SCTR: variants seen among roughly 807,000 people sequenced by gnomAD.
SCTR encodes secretin receptor, also known as pancreatic secretin receptor.
Under a neutral mutation model 60.8 loss-of-function variants are expected in SCTR, and 56 were observed. That is an observed-to-expected ratio of 0.92 (90% CI 0.74 to 1.15). The LOEUF is 1.15. Ranked by LOEUF, SCTR falls within the 50% of genes most tolerant of loss-of-function variation. The pLI, the probability that SCTR is intolerant of heterozygous loss-of-function variation, is 0.00. For synonymous variants in SCTR, 202 were observed against 217.0 expected (o/e 0.93, Z 0.61); for missense variants, 562 against 550.4 (o/e 1.02, Z -0.21).
At chr2:119,471,707 G>A (rs1478705069) in intron 4 of SCTR, among the ~76,000 whole-genome samples, 1 of 152,206 alleles carries the variant, frequency 6.6e-6, no homozygotes, top group Non-Finnish European at 1.5e-5. Context: ...CTTCTAGGGA[G>A]TTTAGCTAAT....
In SCTR at chr2:119,440,144, C is replaced by G; in HGVS notation, c.1296G>C (p.Gln432His). 6.2e-7 allele frequency: 1 copy of G among 1,614,018 alleles called. No individual in the cohort carries two copies. Among genetic ancestry groups the G allele is most frequent in the Non-Finnish European group, 8.5e-7 (1 of 1,179,984 alleles). The part of the protein sequence containing the change: ...STKASHLEQS[Q>H]GTCRTSII ...AGATGATGCTGGTCCTGCAGGTGCC[C>G]TGGCTCTGCTCCAAGTGGCTGGCCT... The change falls in exon 13 of 13, where the codon CAG becomes CAC. Residue 432 changes from glutamine (Q) to histidine (H), a missense_variant. By Grantham distance (24) the Gln-to-His change is conservative (BLOSUM62 0). Coordinates refer to ENST00000019103, the MANE Select transcript of SCTR (RefSeq NM_002980.3).
At chr2:119,455,632 A>C (rs1011123729) in intron 7 of SCTR, among the ~76,000 whole-genome samples, 1 of 152,230 alleles carries the variant, frequency 6.6e-6, no homozygotes, top group African/African-American at 2.4e-5. Context: ...TAAACACGCA[A>C]TAGACGGGTT....
intron 9 of SCTR, among the ~76,000 whole-genome samples, chr2:119,450,191 T>G (rs1683108610): frequency 6.6e-6 from 1 of 151,838 alleles, no homozygotes; most frequent in Admixed American, 6.6e-5. Context: ...AAAGAAAGTC[T>G]TTAAGTTCCC....
chr2:119,450,583 G>A (rs1462644406), intron 9 of SCTR, among the ~76,000 whole-genome samples: 1 of 151,898 alleles, frequency 6.6e-6, no homozygotes, highest in Admixed American at 6.6e-5. Flanking sequence ...AGAAAAGTAT[G>A]TCTGCTCAAA....
rs115398902 is a variant in SCTR at position 119,501,481 on chromosome 2, G to A, written c.73-6933C>T. Among the ~76,000 whole-genome samples, 657 of 152,222 alleles carry A rather than the reference G, an allele frequency of 4.3e-3. 9 individuals are homozygous for A. The highest frequency in any genetic ancestry group is 0.015 in the African/African-American group (630 of 41,544). The stretch of plus-strand genomic sequence containing the variant: ...TTTACCACCTGCTGGGAAGGGTGGG[G>A]GAGGAAAGGATGAACAGATGTTGGT... On this transcript the variant is annotated intron_variant, in intron 1 of 12. Coordinates refer to ENST00000019103, the MANE Select transcript of SCTR (RefSeq NM_002980.3).
intron 2 of SCTR, among the ~76,000 whole-genome samples, chr2:119,492,535 C>T (rs1432485803): frequency 6.6e-6 from 1 of 152,180 alleles, no homozygotes; most frequent in Non-Finnish European, 1.5e-5. Context: ...CGCTGTCTTT[C>T]TTTTCAAATG....
intron 1 of SCTR, among the ~76,000 whole-genome samples, chr2:119,508,383 C>CTTTTTTTTT (rs34070844): frequency 1.9e-3 from 150 of 77,398 alleles, no homozygotes; most frequent in Non-Finnish European, 2.3e-3. Flanking sequence ...TCTTCTTCTT[C>CTTTTTTTTT]TTTTTTTTTT....
chr2:119,452,165 C>A, intron 8 of SCTR, 86 bp from the exon 9 acceptor site: 1 of 812,302 alleles, frequency 1.2e-6, no homozygotes, highest in South Asian at 1.5e-5. Flanking sequence ...TGAGGTGGCC[C>A]TTGGTATGAA....
At chr2:119,514,802 C>A (rs747863951) in intron 1 of SCTR, among the ~76,000 whole-genome samples, 2 of 152,010 alleles carry the variant, frequency 1.3e-5, no homozygotes, top group South Asian at 4.1e-4. Flanking sequence ...CTCTTGAACC[C>A]GGGAGGCAGA....
In SCTR at chr2:119,440,219, G is replaced by A. The variant is rs1558827865; in HGVS notation, c.1221C>T (p.His407=). The change falls in exon 13 of 13, where the codon CAC becomes CAT. Residue 407 remains histidine (H), a synonymous_variant. Coordinates refer to ENST00000019103, the MANE Select transcript of SCTR (RefSeq NM_002980.3). The part of the protein sequence containing the change: ...LEVQKKWQQW[H]LREFPLHPVA... ...CGGGGTGCAGTGGGAACTCACGGAG[G>A]TGCCATTGCTGCCACTTCTTCTGAA... 1.2e-6 allele frequency: 2 copies of A among 1,614,056 alleles called. No homozygotes were observed. The highest frequency in any genetic ancestry group is 2.2e-5 in the East Asian group (1 of 44,850).
intron 2 of SCTR, among the ~76,000 whole-genome samples, chr2:119,483,431 C>T (rs1677720958): frequency 6.6e-6 from 1 of 152,150 alleles, no homozygotes; most frequent in African/African-American, 2.4e-5. Context: ...TCCAGGCTGG[C>T]CTTGGTGGCA....
intron 8 of SCTR, 142 bp downstream of exon 8, chr2:119,453,145 G>C (rs1304071501): frequency 3.0e-6 from 2 of 668,900 alleles, no homozygotes; most frequent in Non-Finnish European, 5.3e-6. Flanking sequence ...GGGAAGCAGT[G>C]AGCATCAGTC....
At chr2:119,462,838 T>C (rs1253620976) in intron 6 of SCTR, among the ~76,000 whole-genome samples, 1 of 152,238 alleles carries the variant, frequency 6.6e-6, no homozygotes, top group Non-Finnish European at 1.5e-5. Flanking sequence ...CCAGAGGCTC[T>C]GACTCCAGGC....
intron 1 of SCTR, among the ~76,000 whole-genome samples, chr2:119,514,334 T>C (rs1679047166): frequency 6.6e-6 from 1 of 152,170 alleles, no homozygotes; most frequent in Non-Finnish European, 1.5e-5. Context: ...TATTTGGTGT[T>C]GGCATGGGGA....
intron 6 of SCTR, 28 bp downstream of exon 6, chr2:119,464,095 G>T (rs1289621413): frequency 6.2e-7 from 1 of 1,613,230 alleles, no homozygotes. Context: ...CGGGCCTGGC[G>T]ACATCCTGGG....
chr2:119,524,187 G>T lies in SCTR; in HGVS notation c.40C>A (p.Leu14Met). 6.5e-7 allele frequency: 1 copy of T among 1,527,628 alleles called. No homozygotes were observed. 94.6% of individuals were successfully genotyped at this position (1,527,628 alleles called of 1,614,324 possible). ...HLSPPLQQLL[L>M]PVLLACAAHS... ...GCGGCGCAGGCGAGCAGCACCGGCA[G>T]TAGTAGCTGCTGCAGCGGCGGCGAC... Residue 14 changes from leucine to methionine, a missense_variant, in exon 1 of 13, where the codon CTG becomes ATG. Physicochemically the swap from Leu to Met is conservative, Grantham distance 15. Transcript: ENST00000019103.
chr2:119,463,513 G>T (rs1412939422), intron 6 of SCTR, among the ~76,000 whole-genome samples: 1 of 152,122 alleles, frequency 6.6e-6, no homozygotes, highest in Non-Finnish European at 1.5e-5. Context: ...GTATCACACA[G>T]CCATTGCACC....
chr2:119,494,308 T>A (rs987403111), intron 2 of SCTR, 120 bp downstream of exon 2: 58 of 1,125,962 alleles, frequency 5.2e-5, no homozygotes, highest in Non-Finnish European at 6.1e-5. Context: ...ATTGTCTGAG[T>A]GAGAAAAGCT....
chr2:119,483,338 A>G (rs1014850590), intron 2 of SCTR, among the ~76,000 whole-genome samples: 5 of 152,316 alleles, frequency 3.3e-5, no homozygotes, highest in Admixed American at 3.3e-4. Flanking sequence ...GGAAGTGAGA[A>G]GTGTGGGTGA....
Sources: gnomAD v4.1 joint callset for allele counts (sites outside exome capture counted in the v4.1 genomes callset) on GRCh38, gnomAD v4.1.1 for gene constraint, MANE v1.5 for transcripts, NCBI Gene and HGNC (gene_info 2026-07-23, HGNC 2026-07-21) for gene names.